Variants in FRMPD4 observed in about 807,000 individuals in gnomAD.
FRMPD4 encodes FERM and PDZ domain containing 4, also known as FERM and PDZ domain-containing protein 4.
Under a neutral mutation model 94.1 loss-of-function variants are expected in FRMPD4, and 22 were observed. The observed-to-expected ratio is 0.23, with a 90% CI of 0.17 to 0.33. The LOEUF (loss-of-function observed/expected upper bound fraction) is 0.33, where lower values mean the gene tolerates loss of function less well. FRMPD4 is among the 10% of genes least tolerant of loss of function. The pLI is 1.00. For missense variants in FRMPD4, 1,111 were observed against 1,339.9 expected, an observed-to-expected ratio of 0.83 and a Z score of 2.67; for synonymous variants, 631 against 548.6, an observed-to-expected ratio of 1.15 and a Z score of -2.10.
intron 3 of FRMPD4, among the ~76,000 whole-genome samples, chrX:12,069,027 G>T (rs2054944230): frequency 8.9e-6 from 1 of 112,095 alleles, no homozygotes; most frequent in South Asian, 3.7e-4. Context: ...AGAGCATGCA[G>T]AATGAAGAGT....
intron 1 of FRMPD4, among the ~76,000 whole-genome samples, chrX:12,326,664 C>A (rs990332898): frequency 8.9e-6 from 1 of 111,785 alleles, no homozygotes; most frequent in Non-Finnish European, 1.9e-5. Flanking sequence ...TCTGTTCTTT[C>A]AGTGAGGCAT....
rs1288529632 is a variant in FRMPD4 at position 12,608,015 on chromosome X, A to G, written c.159-1706A>G. ...ATGTTGTCCAGATGGCATATAGAGT[A>G]GCATCTTCCAAGATATTTTTAAATG... On this transcript the variant is annotated intron_variant, in intron 2 of 16. Transcript: ENST00000675598. 4.4e-5 allele frequency among the ~76,000 whole-genome samples: 5 copies of G among 112,770 alleles called. No individual in the cohort carries two copies. In the Admixed American group the frequency reaches 4.7e-4, roughly 11 times the overall value.
intron 1 of FRMPD4, among the ~76,000 whole-genome samples, chrX:12,201,633 G>A (rs190807232): frequency 5.4e-5 from 6 of 111,980 alleles, no homozygotes; most frequent in African/African-American, 1.9e-4. Context: ...AATATTTTCT[G>A]TACCTTCTTA....
At chrX:12,368,524 T>A (rs2056116876) in intron 1 of FRMPD4, among the ~76,000 whole-genome samples, 1 of 109,437 alleles carries the variant, frequency 9.1e-6, no homozygotes. Flanking sequence ...TGCTCTGTGC[T>A]ATTTTTTTTT....
intron 3 of FRMPD4, among the ~76,000 whole-genome samples, chrX:12,026,088 T>G (rs1204951875): frequency 1.8e-5 from 2 of 111,641 alleles, no homozygotes; most frequent in Non-Finnish European, 3.8e-5. Context: ...TATAAAGTCT[T>G]TCTTGACTCA....
At chrX:12,274,177 TC>T (rs1465050436) in intron 1 of FRMPD4, among the ~76,000 whole-genome samples, 3 of 111,016 alleles carry the variant, frequency 2.7e-5, no homozygotes, top group Non-Finnish European at 5.7e-5. Context: ...AGGTATCTAC[TC>T]TTTCTAATTA....
At chrX:11,961,028 T>C (rs145832858) in intron 3 of FRMPD4, among the ~76,000 whole-genome samples, 1,346 of 112,239 alleles carry the variant, frequency 0.012, 5 homozygotes, top group South Asian at 0.019. Context: ...TTTAAATCTG[T>C]TCTGTGGAGG....
In FRMPD4 at chrX:12,055,576, T is replaced by C. The variant is rs73499328; in HGVS notation, c.95+177558T>C. ...TTCTTGTACAACCTGCAGAACCACG[T>C]GCCAATTAAACCTATTTTCTTTATA... On this transcript the variant is annotated intron_variant, in intron 3 of 18. Transcript: ENST00000640291. Among the ~76,000 whole-genome samples, 493 of 112,022 alleles carry C rather than the reference T, an allele frequency of 4.4e-3. 5 individuals carry two copies. Among genetic ancestry groups the C allele is most frequent in the African/African-American group, 0.015 (460 of 30,870 alleles).
intron 3 of FRMPD4, among the ~76,000 whole-genome samples, chrX:12,126,039 G>A (rs1002998582): frequency 6.2e-5 from 7 of 112,484 alleles, no homozygotes; most frequent in African/African-American, 2.3e-4. Flanking sequence ...ATGCATGAGA[G>A]AATTTACATC....
chrX:12,162,407 T>C (rs1456852409), intron 1 of FRMPD4, among the ~76,000 whole-genome samples: 1 of 112,362 alleles, frequency 8.9e-6, no homozygotes, highest in African/African-American at 3.2e-5. Flanking sequence ...GGCTTTAATA[T>C]TACTGCAGCA....
chrX:11,945,922 C>A (rs2054186596), intron 3 of FRMPD4, among the ~76,000 whole-genome samples: 1 of 112,199 alleles, frequency 8.9e-6, no homozygotes, highest in African/African-American at 3.2e-5. Flanking sequence ...AAGTGGCAGA[C>A]TTCGGGGTCC....
chrX:12,028,306 T>C (rs931525195), intron 3 of FRMPD4, among the ~76,000 whole-genome samples: 1 of 112,027 alleles, frequency 8.9e-6, no homozygotes, highest in Non-Finnish European at 1.9e-5. Context: ...GGATTGTTTG[T>C]TTGTTTGAAT....
At chrX:11,839,063 T>C (rs899341849) in intron 1 of FRMPD4, among the ~76,000 whole-genome samples, 1 of 111,969 alleles carries the variant, frequency 8.9e-6, no homozygotes, top group African/African-American at 3.2e-5. Flanking sequence ...TGACAAATTG[T>C]TTTTACAAAG....
At chrX:12,083,512 A>G (rs1421228994) in intron 3 of FRMPD4, among the ~76,000 whole-genome samples, 1 of 112,873 alleles carries the variant, frequency 8.9e-6, no homozygotes, top group East Asian at 2.8e-4. Flanking sequence ...AGAGCCCCCA[A>G]ACAGAGTCCC....
intron 3 of FRMPD4, among the ~76,000 whole-genome samples, chrX:11,879,223 A>G (rs2053801039): frequency 8.9e-6 from 1 of 111,894 alleles, no homozygotes; most frequent in Admixed American, 9.5e-5. Context: ...ATTTCACTGG[A>G]TGACTTTTCT....
chrX:12,511,386 A>T (rs1370207478), intron 2 of FRMPD4, among the ~76,000 whole-genome samples: 1 of 112,327 alleles, frequency 8.9e-6, no homozygotes, highest in African/African-American at 3.2e-5. Context: ...CAGATAAACA[A>T]CTAAATAAAT....
At position 12,598,898 on chromosome X, in the gene FRMPD4, A is replaced by G. The variant is rs191470422; in HGVS notation, c.159-10823A>G. 8.2e-4 allele frequency among the ~76,000 whole-genome samples: 92 copies of G among 112,137 alleles called. 1 individual carries two copies. Among genetic ancestry groups the G allele is most frequent in the Middle Eastern group, 9.2e-3 (2 of 218 alleles). Reference sequence around the variant, plus strand: ...TTAAAATTATTTACGTAAAGATTATAGAATTATGAAATTTTCAAAGTGTGG... The same window carrying G: ...TTAAAATTATTTACGTAAAGATTATGGAATTATGAAATTTTCAAAGTGTGG... On this transcript the variant is annotated intron_variant, in intron 2 of 16. Coordinates refer to ENST00000675598, the MANE Select transcript of FRMPD4 (RefSeq NM_001368397.1).
In FRMPD4 at chrX:12,717,821, C is replaced by T; in HGVS notation, c.2995C>T (p.Pro999Ser). The T allele has an allele frequency of 8.3e-7, 1 of 1,210,246 alleles. No homozygotes were observed. The highest frequency in any genetic ancestry group is 1.8e-5 in the South Asian group (1 of 56,976). ...TCACTCAGACCACATGGAGATGGAG[C>T]CTGAAACTATGGAGACTAAGTCGGT... is the stretch of plus-strand genomic sequence containing the variant. ...LLHSDHMEME[P>S]ETMETKSVTD... The change falls in exon 16 of 17, where the codon CCT becomes TCT. Residue 999 changes from proline to serine, a missense_variant. Coordinates refer to ENST00000675598, the MANE Select transcript of FRMPD4 (RefSeq NM_001368397.1).
chrX:11,847,812 C>G (rs2147286174), intron 1 of FRMPD4, among the ~76,000 whole-genome samples: 1 of 94,400 alleles, frequency 1.1e-5, no homozygotes, highest in African/African-American at 4.1e-5. Flanking sequence ...TGTTCTCACT[C>G]ATAGGTGGAA....
Sources: allele counts gnomAD v4.1 joint callset (sites outside exome capture counted in the v4.1 genomes callset), GRCh38; gene constraint gnomAD v4.1.1; transcripts MANE v1.5; gene names NCBI Gene and HGNC (gene_info 2026-07-23, HGNC 2026-07-21).